The following LUZP2 variants were observed in gnomAD, a reference collection of about 807,000 sequenced individuals.
LUZP2 encodes the protein leucine zipper protein 2.
In LUZP2, 52 loss-of-function variants were observed where a neutral mutation model predicts 51.6. The observed-to-expected ratio is 1.01, with a 90% confidence interval of 0.81 to 1.27. The LOEUF is 1.27. LUZP2 is among the 50% of genes most tolerant of loss of function. The probability of loss-of-function intolerance (pLI) is 0.00; values close to 1 mark genes in which losing one functional copy is unlikely to be tolerated. For missense variants in LUZP2, 436 were observed against 395.4 expected, an observed-to-expected ratio of 1.10 and a Z score of -0.87; for synonymous variants, 154 against 137.3, an observed-to-expected ratio of 1.12 and a Z score of -0.85.
chr11:24,830,860 G>A (rs61894117), intron 5 of LUZP2, among the ~76,000 whole-genome samples: 19,746 of 151,944 alleles, frequency 0.13, 1,380 homozygotes, highest in South Asian at 0.19. Flanking sequence ...CGGGTGTGAT[G>A]GTGGGCGCCT....
At chr11:24,932,717 C>A (rs1163014259) in intron 7 of LUZP2, among the ~76,000 whole-genome samples, 1 of 152,170 alleles carries the variant, frequency 6.6e-6, no homozygotes, top group Non-Finnish European at 1.5e-5. Flanking sequence ...TTGCCCCAGG[C>A]TACTGGCCTC....
intron 9 of LUZP2, among the ~76,000 whole-genome samples, chr11:25,023,579 A>G (rs1302253672): frequency 7.4e-6 from 1 of 135,386 alleles, no homozygotes; most frequent in African/African-American, 3.0e-5. Flanking sequence ...TTTCAAAAAA[A>G]CCAGCTCCTG....
At chr11:24,507,419 A>G (rs966222532) in intron 1 of LUZP2, among the ~76,000 whole-genome samples, 1 of 152,086 alleles carries the variant, frequency 6.6e-6, no homozygotes, top group Non-Finnish European at 1.5e-5. Context: ...GTAAATGAGG[A>G]TCTCATTGTG....
chr11:25,031,398 A>G (rs1194130174), intron 9 of LUZP2, among the ~76,000 whole-genome samples: 10 of 151,926 alleles, frequency 6.6e-5, no homozygotes, highest in Admixed American at 6.6e-4. Flanking sequence ...AAATTTCTCA[A>G]TTGCTTATGT....
intron 1 of LUZP2, among the ~76,000 whole-genome samples, chr11:24,612,437 A>G (rs1854153471): frequency 1.3e-5 from 2 of 152,104 alleles, no homozygotes; most frequent in African/African-American, 4.8e-5. Flanking sequence ...CTTTGGAATG[A>G]AGACTCATTT....
intron 1 of LUZP2, among the ~76,000 whole-genome samples, chr11:24,497,865 T>C (rs1374216251): frequency 6.6e-6 from 1 of 152,204 alleles, no homozygotes; most frequent in Non-Finnish European, 1.5e-5. Context: ...CTTTTGACTG[T>C]CTTGTGAACA....
At chr11:25,008,366 T>C (rs1263614758) in intron 9 of LUZP2, among the ~76,000 whole-genome samples, 1 of 152,152 alleles carries the variant, frequency 6.6e-6, no homozygotes, top group African/African-American at 2.4e-5. Flanking sequence ...GCTTGGGCAG[T>C]CCCAAGGCCT....
At chr11:24,888,413 T>A (rs11028254) in intron 5 of LUZP2, among the ~76,000 whole-genome samples, 2 of 151,494 alleles carry the variant, frequency 1.3e-5, no homozygotes, top group African/African-American at 4.9e-5. Context: ...CAGCCAAAAG[T>A]TTTTTTTTGG....
chr11:24,623,521 C>A (rs73433100), intron 1 of LUZP2, among the ~76,000 whole-genome samples: 1 of 151,932 alleles, frequency 6.6e-6, no homozygotes, highest in Non-Finnish European at 1.5e-5. Flanking sequence ...CTGGAAATGT[C>A]GTATCACAGC....
chr11:24,868,147 G>T (rs1203014679), intron 5 of LUZP2, among the ~76,000 whole-genome samples: 1 of 152,088 alleles, frequency 6.6e-6, no homozygotes, highest in African/African-American at 2.4e-5. Context: ...GCTTATTGAT[G>T]TAAATATTGC....
intron 3 of LUZP2, among the ~76,000 whole-genome samples, chr11:24,735,418 G>A (rs1858898075): frequency 1.3e-5 from 2 of 151,996 alleles, no homozygotes; most frequent in South Asian, 4.1e-4. Flanking sequence ...ATTTGAAAAT[G>A]TCCTTGAGCA....
chr11:24,970,284 A>G (rs1188938801), intron 7 of LUZP2, among the ~76,000 whole-genome samples: 1 of 152,076 alleles, frequency 6.6e-6, no homozygotes, highest in Non-Finnish European at 1.5e-5. Flanking sequence ...CCTTTATATC[A>G]CATTCATGCA....
chr11:24,510,172 C>A (rs1053095421), intron 1 of LUZP2, among the ~76,000 whole-genome samples: 2 of 152,054 alleles, frequency 1.3e-5, no homozygotes, highest in Non-Finnish European at 2.9e-5. Context: ...AGTTGGGGTG[C>A]AAAGGAGGCA....
chr11:24,725,760 G>C (rs1392586166), intron 1 of LUZP2, among the ~76,000 whole-genome samples: 3 of 152,134 alleles, frequency 2.0e-5, no homozygotes, highest in East Asian at 1.9e-4. Flanking sequence ...TTAATCTCTA[G>C]TACATTAGAT....
intron 5 of LUZP2, among the ~76,000 whole-genome samples, chr11:24,833,661 C>A (rs922546165): frequency 1.3e-4 from 19 of 151,806 alleles, no homozygotes; most frequent in Non-Finnish European, 1.8e-4. Context: ...GGAGCTCAGA[C>A]ACCCATAGTT....
At chr11:24,636,754 A>C (rs553464640) in intron 1 of LUZP2, among the ~76,000 whole-genome samples, 1 of 152,124 alleles carries the variant, frequency 6.6e-6, no homozygotes, top group Non-Finnish European at 1.5e-5. Context: ...CCTTCAAATA[A>C]TTCGTCAGAG....
chr11:24,953,041 A>T (rs891576133), intron 7 of LUZP2, among the ~76,000 whole-genome samples: 3 of 151,966 alleles, frequency 2.0e-5, no homozygotes, highest in Admixed American at 1.3e-4. Context: ...GTCTGTCGAG[A>T]AATAGACTAC....
At chr11:25,072,689 A>G (rs763255907) in intron 10 of LUZP2, among the ~76,000 whole-genome samples, 25 of 152,110 alleles carry the variant, frequency 1.6e-4, no homozygotes, top group Non-Finnish European at 3.1e-4. Flanking sequence ...TTTTAAATTA[A>G]GAGGTTTTAT....
intron 1 of LUZP2, among the ~76,000 whole-genome samples, chr11:24,658,012 T>G (rs1334688264): frequency 6.6e-6 from 1 of 152,290 alleles, no homozygotes; most frequent in Non-Finnish European, 1.5e-5. Context: ...AGGTAATTTA[T>G]AGATTCAATG....
Sources: gnomAD v4.1 joint callset for allele counts (sites outside exome capture counted in the v4.1 genomes callset) on GRCh38, gnomAD v4.1.1 for gene constraint, MANE v1.5 for transcripts, NCBI Gene and HGNC (gene_info 2026-07-23, HGNC 2026-07-21) for gene names.